Variants in ACMSD observed in about 807,000 individuals in gnomAD.
ACMSD encodes aminocarboxymuconate semialdehyde decarboxylase.
A neutral mutation model predicts 45.9 loss-of-function variants in ACMSD; 37 were observed. The ratio of observed to expected loss-of-function variants is 0.81; its 90% CI spans 0.62 to 1.06. The LOEUF is 1.06. Ranked by LOEUF, ACMSD falls within the 50% of genes least tolerant of loss-of-function variation. ACMSD has a pLI of 0.00. For synonymous variants in ACMSD, 138 were observed against 148.8 expected (o/e 0.93, Z 0.53); for missense variants, 434 against 420.9 (o/e 1.03, Z -0.27).
chr2:134,891,305 T>C (rs1286602709), intron 8 of ACMSD, among the ~76,000 whole-genome samples: 1 of 152,136 alleles, frequency 6.6e-6, no homozygotes, highest in Non-Finnish European at 1.5e-5. Flanking sequence ...TTCAGTTGAT[T>C]TTTATATATG....
intron 8 of ACMSD, among the ~76,000 whole-genome samples, chr2:134,890,608 G>A (rs1055543777): frequency 1.3e-5 from 2 of 151,970 alleles, no homozygotes; most frequent in Non-Finnish European, 2.9e-5. Context: ...GAAGTATACT[G>A]TGGTCATATA....
chr2:134,867,792 G>A, intron 6 of ACMSD, 120 bp downstream of exon 6: 7 of 703,972 alleles, frequency 9.9e-6, no homozygotes, highest in Non-Finnish European at 2.4e-6. Flanking sequence ...ATGAGTAATA[G>A]CAGCTATCAC....
chr2:134,841,866 G>C (rs1336551023), intron 1 of ACMSD, among the ~76,000 whole-genome samples: 5 of 152,080 alleles, frequency 3.3e-5, no homozygotes, highest in East Asian at 1.9e-4. Flanking sequence ...TCGATATAAG[G>C]CTTTAGAAGA....
chr2:134,893,209 ATTTT>A (rs10572074), intron 8 of ACMSD, among the ~76,000 whole-genome samples: 8 of 132,708 alleles, frequency 6.0e-5, no homozygotes, highest in East Asian at 4.6e-4. Context: ...ATCACACTGC[ATTTT>A]TTTTTTTTTT....
chr2:134,846,174 A>G (rs1687044907), intron 2 of ACMSD, among the ~76,000 whole-genome samples: 1 of 152,174 alleles, frequency 6.6e-6, no homozygotes, highest in Non-Finnish European at 1.5e-5. Flanking sequence ...GAAGAAAGGG[A>G]ACAAAGGCAT....
intron 5 of ACMSD, among the ~76,000 whole-genome samples, chr2:134,866,326 C>T (rs1688095061): frequency 6.6e-6 from 1 of 152,076 alleles, no homozygotes; most frequent in African/African-American, 2.4e-5. Flanking sequence ...CCACCAGAGG[C>T]ACATAGAATA....
At chr2:134,867,732 A>T (rs1182435048) in intron 6 of ACMSD, 60 bp downstream of exon 6, 2 of 1,359,264 alleles carry the variant, frequency 1.5e-6, no homozygotes, top group Non-Finnish European at 2.1e-6. Context: ...CCAATCATCT[A>T]TGGAAACCTA....
intron 8 of ACMSD, among the ~76,000 whole-genome samples, chr2:134,885,343 ATATAT>A (rs1177139925): frequency 9.5e-6 from 1 of 105,574 alleles, no homozygotes; most frequent in African/African-American, 4.0e-5. Context: ...ATATATATTT[ATATAT>A]AATATATATT....
At position 134,859,276 on chromosome 2, in the gene ACMSD, T is replaced by A. The variant is rs1013209332; in HGVS notation, c.118T>A (p.Leu40Met). 1 of 1,614,080 alleles carries A rather than the reference T, an allele frequency of 6.2e-7. No homozygotes were observed. The highest frequency in any genetic ancestry group is 2.2e-5 in the East Asian group (1 of 44,884). The change falls in exon 3 of 10, where the codon TTG becomes ATG. Residue 40 changes from leucine to methionine, a missense_variant. Leu to Met is a conservative substitution (Grantham distance 15, BLOSUM62 2). Coordinates refer to ENST00000356140, the MANE Select transcript of ACMSD (RefSeq NM_138326.3). The stretch of plus-strand genomic sequence containing the variant: ...TCTGCCCCAGGGAGAAGCAAAGTTG[T>A]TGAAAGATGGGAAAGTCTTCAGAGT... ...QHHSKGEAKL[L>M]KDGKVFRVVR...
At chr2:134,840,461 T>C (rs761264797) in intron 1 of ACMSD, among the ~76,000 whole-genome samples, 5 of 152,098 alleles carry the variant, frequency 3.3e-5, no homozygotes, top group Middle Eastern at 3.2e-3. Context: ...GAAACCCTCA[T>C]CCACAAGGCA....
intron 1 of ACMSD, among the ~76,000 whole-genome samples, chr2:134,840,922 C>G (rs1218105081): frequency 6.6e-6 from 1 of 152,220 alleles, no homozygotes; most frequent in Non-Finnish European, 1.5e-5. Context: ...GCTTCCCACC[C>G]TTTCCCCGAG....
At chr2:134,893,565 TC>T (rs1689920215) in intron 8 of ACMSD, among the ~76,000 whole-genome samples, 1 of 152,126 alleles carries the variant, frequency 6.6e-6, no homozygotes, top group African/African-American at 2.4e-5. Flanking sequence ...GTAGGCATTT[TC>T]CCCCTGTCCT....
intron 3 of ACMSD, chr2:134,859,646 T>C (rs939401540): frequency 8.4e-6 from 2 of 236,916 alleles, no homozygotes; most frequent in Non-Finnish European, 1.6e-5. Flanking sequence ...AAATGTATAG[T>C]ATTTACTTAT....
Position 134,898,373 on chromosome 2 carries a change from T to A in ACMSD, c.882T>A (p.Phe294Leu), listed in dbSNP as rs1422043745. 1 of 1,601,456 alleles carries A rather than the reference T, an allele frequency of 6.2e-7. No homozygotes were observed. Among genetic ancestry groups the A allele is most frequent in the South Asian group, 1.1e-5 (1 of 88,948 alleles). Residue 294 changes from phenylalanine (F) to leucine (L), a missense_variant, in exon 9 of 10, where the codon TTT (phenylalanine) becomes TTA (leucine). By Grantham distance (22) the Phe-to-Leu change is conservative. Transcript: ENST00000356140. ...TCATTTTGGGAACCGATTACCCCTT[T>A]CCACTAGGTGAGCTGGAACCTGGGA... is the stretch of plus-strand genomic sequence containing the variant. Reference protein sequence around the residue: ...DKVILGTDYPFPLGELEPGKL... With the variant: ...DKVILGTDYPLPLGELEPGKL...
chr2:134,894,809 C>G (rs1292800556), intron 8 of ACMSD, among the ~76,000 whole-genome samples: 1 of 151,992 alleles, frequency 6.6e-6, no homozygotes, highest in Non-Finnish European at 1.5e-5. Context: ...TCTCTACTTG[C>G]AATTGAGACG....
chr2:134,867,969 G>C (rs1487258424), intron 6 of ACMSD, among the ~76,000 whole-genome samples: 2 of 151,986 alleles, frequency 1.3e-5, no homozygotes, highest in East Asian at 1.9e-4. Context: ...TTTTAGGTAA[G>C]GTGTCCAGGT....
chr2:134,863,264 C>A, intron 4 of ACMSD, 131 bp from the exon 5 acceptor site: 1 of 1,033,934 alleles, frequency 9.7e-7, no homozygotes, highest in Non-Finnish European at 1.4e-6. Context: ...CAATCTGTGC[C>A]TCTGTTTTCT....
chr2:134,869,189 A>AT (rs1688290263), intron 6 of ACMSD: 2 of 150,712 alleles, frequency 1.3e-5, no homozygotes, highest in Middle Eastern at 3.4e-3. Flanking sequence ...CAAAACTCTG[A>AT]TAAGTCCCAC....
intron 8 of ACMSD, among the ~76,000 whole-genome samples, chr2:134,885,545 T>G (rs1344969517): frequency 7.4e-5 from 11 of 149,076 alleles, no homozygotes; most frequent in African/African-American, 2.7e-4. Context: ...CACACACATT[T>G]GTTAAAGTAG....
Sources: gnomAD v4.1 joint callset for allele counts (sites outside exome capture counted in the v4.1 genomes callset) on GRCh38, gnomAD v4.1.1 for gene constraint, MANE v1.5 for transcripts, NCBI Gene and HGNC (gene_info 2026-07-23, HGNC 2026-07-21) for gene names.